Variants in ZNF681 observed in about 807,000 individuals in gnomAD.
ZNF681 encodes hypothetical protein FLJ31526.
In ZNF681, 37 loss-of-function variants were observed where a neutral mutation model predicts 56.0. The observed-to-expected ratio is 0.66, with a 90% CI of 0.51 to 0.87. ZNF681 has a LOEUF of 0.87. Among genes scored for constraint, ZNF681 ranks in the 40% least tolerant of loss-of-function variants. The pLI, the probability that ZNF681 is intolerant of heterozygous loss-of-function variation, is 0.00. For synonymous variants in ZNF681, 225 were observed against 248.6 expected (o/e 0.91, Z 0.89); for missense variants, 741 against 744.9 (o/e 0.99, Z 0.06).
At chr19:23,749,172 C>A (rs934509778) in intron 3 of ZNF681, among the ~76,000 whole-genome samples, 1 of 152,018 alleles carries the variant, frequency 6.6e-6, no homozygotes, top group African/African-American at 2.4e-5. Flanking sequence ...TAAAAAAAAT[C>A]TTGTCACACT....
At chr19:23,752,831 A>G (rs935674693) in intron 3 of ZNF681, among the ~76,000 whole-genome samples, 2 of 152,192 alleles carry the variant, frequency 1.3e-5, no homozygotes, top group Non-Finnish European at 2.9e-5. Flanking sequence ...ATACAAAACT[A>G]TATTTTGCCT....
rs770976207 is a variant in ZNF681 at position 23,743,656 on chromosome 19, TTGAAG to T, written c.1889_1893del (p.Thr630LysfsTer4). The T allele has an allele frequency of 8.4e-6, 13 of 1,552,656 alleles. No homozygotes were observed. Among genetic ancestry groups the T allele is most frequent in the Non-Finnish European group, 1.1e-5 (13 of 1,151,926 alleles). ...TAATTTCTTTTATGTTTAGAAAACT[TTGAAG>T]TGTTTTCAAAATCACTGTTACATCT... is the stretch of plus-strand genomic sequence containing the variant. On this transcript the variant is annotated frameshift_variant, in exon 4 of 4. Coordinates refer to ENST00000402377, the MANE Select transcript of ZNF681 (RefSeq NM_138286.3). LOFTEE classifies it high-confidence loss of function.
At chr19:23,758,692 G>C in intron 1 of ZNF681, 55 bp downstream of exon 1, 1 of 1,613,864 alleles carries the variant, frequency 6.2e-7, no homozygotes, top group South Asian at 1.1e-5. Flanking sequence ...GGCGAGGTCT[G>C]AGTCCCGCCA....
In ZNF681 at chr19:23,755,481, T is replaced by A. The variant is rs202142525; in HGVS notation, c.74A>T (p.Gln25Leu). Residue 25 changes from glutamine to leucine, a missense_variant, in exon 2 of 4, where the codon CAG becomes CTG. Gln to Leu is a moderately radical substitution (Grantham distance 113, BLOSUM62 -2). Coordinates refer to ENST00000402377, the MANE Select transcript of ZNF681 (RefSeq NM_138286.3). ...CATCACATTCCTATATAAATTCTGC[T>A]GTATAGTGTCCAGGCATTGCCACTC... The part of the protein sequence containing the change: ...LEEWQCLDTI[Q>L]QNLYRNVMLE... 1.6e-4 allele frequency: 251 copies of A among 1,611,902 alleles called. 1 individual carries two copies. Among genetic ancestry groups the A allele is most frequent in the Non-Finnish European group, 2.0e-4 (236 of 1,178,844 alleles).
chr19:23,750,849 C>T (rs534138722), intron 3 of ZNF681, among the ~76,000 whole-genome samples: 3 of 147,508 alleles, frequency 2.0e-5, no homozygotes, highest in Admixed American at 6.8e-5. Flanking sequence ...AACACCCAGG[C>T]GCAGTGGCTC....
intron 3 of ZNF681, among the ~76,000 whole-genome samples, chr19:23,749,666 T>G (rs1968995654): frequency 6.6e-6 from 1 of 151,864 alleles, no homozygotes; most frequent in Admixed American, 6.6e-5. Context: ...CAGGCTGGTC[T>G]CAAACTTTTG....
intron 3 of ZNF681, 36 bp downstream of exon 3, chr19:23,754,785 CTA>C (rs775328979): frequency 5.5e-5 from 84 of 1,523,410 alleles, no homozygotes; most frequent in Non-Finnish European, 6.6e-5. Context: ...AACCGCTCAT[CTA>C]TGTTATCTGT....
chr19:23,743,710 C>T lies in ZNF681; in HGVS notation c.1840G>A (p.Gly614Ser), dbSNP rs1968898242. The change falls in exon 4 of 4, where the codon GGT (glycine) becomes AGT (serine). Residue 614 changes from glycine to serine, a missense_variant. Gly to Ser is a moderately conservative substitution (Grantham distance 56). Transcript: ENST00000402377. ...NLTGHKKIHT[G>S]EKLYKPKRCN... ...CTTTTAGGTTTGTAGAGTTTCTCAC[C>T]AGTATGAATTTTCTTATGTCCAGTA... 2.5e-6 allele frequency: 4 copies of T among 1,611,528 alleles called. No homozygotes were observed. In the East Asian group the frequency reaches 8.9e-5, roughly 36 times the overall value.
chr19:23,742,534 AT>A lies in ZNF681; in HGVS notation c.*1077del. 1 of 152,062 alleles carries A rather than the reference AT, an allele frequency of 6.6e-6. No individual in the cohort carries two copies. The highest frequency in any genetic ancestry group is 6.6e-5 in the Admixed American group (1 of 15,254). 9.4% of individuals were successfully genotyped at this position (152,062 alleles called of 1,614,324 possible). ...AATTAGTAAAATGATATACCAGAAAATTTTTTTTCTCAATATAACACAGGAT... is the reference window on the plus strand; with the variant it reads ...AATTAGTAAAATGATATACCAGAAAATTTTTTTCTCAATATAACACAGGAT... On this transcript the variant is annotated 3_prime_UTR_variant, in exon 4 of 4. Transcript: ENST00000402377.
intron 1 of ZNF681, among the ~76,000 whole-genome samples, chr19:23,757,868 A>C (rs1188524687): frequency 6.6e-6 from 1 of 152,142 alleles, no homozygotes; most frequent in East Asian, 1.9e-4. Context: ...AAAAATCCTT[A>C]AATCTCAGAG....
chr19:23,743,076 T>A lies in ZNF681; in HGVS notation c.*536A>T, dbSNP rs1218350518. ...ATTTACTGCATCTGCAAAAATAGATTTTAGTATGAACCCTCTAGTGTTTTC... is the reference window on the plus strand; with the variant it reads ...ATTTACTGCATCTGCAAAAATAGATATTAGTATGAACCCTCTAGTGTTTTC... On this transcript the variant is annotated 3_prime_UTR_variant, in exon 4 of 4. Coordinates refer to ENST00000402377, the MANE Select transcript of ZNF681 (RefSeq NM_138286.3). 2.0e-5 allele frequency: 3 copies of A among 152,236 alleles called. No homozygotes were observed. Among genetic ancestry groups the A allele is most frequent in the Non-Finnish European group, 4.4e-5 (3 of 68,042 alleles). 9.4% of individuals were successfully genotyped at this position (152,236 alleles called of 1,614,324 possible).
intron 3 of ZNF681, among the ~76,000 whole-genome samples, chr19:23,748,454 T>C (rs1968977698): frequency 6.6e-6 from 1 of 152,224 alleles, no homozygotes; most frequent in South Asian, 2.1e-4. Context: ...GTTCAAAGAA[T>C]GCAGTTGTGC....
intron 3 of ZNF681, among the ~76,000 whole-genome samples, chr19:23,745,743 G>A (rs1430855823): frequency 6.6e-6 from 1 of 150,666 alleles, no homozygotes; most frequent in Non-Finnish European, 1.5e-5. Context: ...GAGCCACCGT[G>A]CTCGGCCCAA....
At chr19:23,751,424 C>T (rs937565985) in intron 3 of ZNF681, among the ~76,000 whole-genome samples, 7 of 143,202 alleles carry the variant, frequency 4.9e-5, no homozygotes, top group Non-Finnish European at 9.0e-5. Flanking sequence ...TGCAGTGAGC[C>T]GAGATTGCGC....
chr19:23,743,495 C>A lies in ZNF681; in HGVS notation c.*117G>T. 1.1e-6 allele frequency: 1 copy of A among 912,744 alleles called. No homozygotes were observed. The highest frequency in any genetic ancestry group is 1.6e-6 in the Non-Finnish European group (1 of 643,014). The allele number at this position is 912,744 out of a possible 1,614,324, so 56.5% of individuals were successfully genotyped here. A position where few individuals can be genotyped will look rare whatever the true frequency, so the allele number is the denominator to read the frequency against. ...GCTTTCCTGTGCAATAAGGTGTGAG[C>A]ATTGGTTAAAAGTTTTGCCACATTC... On this transcript the variant is annotated 3_prime_UTR_variant, in exon 4 of 4. Coordinates refer to ENST00000402377, the MANE Select transcript of ZNF681 (RefSeq NM_138286.3).
intron 3 of ZNF681, among the ~76,000 whole-genome samples, chr19:23,753,795 G>A (rs1476685341): frequency 6.6e-6 from 1 of 150,508 alleles, no homozygotes. Flanking sequence ...CTGGAAGGGA[G>A]AGGTTGCAGT....
rs1371798182 is a variant in ZNF681, at chr19:23,744,205, G to C, written c.1345C>G (p.Pro449Ala). The change falls in exon 4 of 4, where the codon CCA (proline) becomes GCA (alanine). Residue 449 changes from proline (P) to alanine (A), a missense_variant. By Grantham distance (27) the Pro-to-Ala change is conservative. Transcript: ENST00000402377. ...TTCCCACATTCTTCACATTTGTATG[G>C]TTTCTCTTCAGTATGAATATTCTTA... ...EHKNIHTEEK[P>A]YKCEECGKAF... The C allele has an allele frequency of 1.2e-6, 2 of 1,613,438 alleles. No homozygotes were observed. The highest frequency in any genetic ancestry group is 1.7e-6 in the Non-Finnish European group (2 of 1,179,830).
At chr19:23,754,802 T>C (rs1296225838) in intron 3 of ZNF681, 21 bp downstream of exon 3, 2 of 1,592,224 alleles carry the variant, frequency 1.3e-6, no homozygotes, top group Non-Finnish European at 1.7e-6. Flanking sequence ...ATCTGTTGTA[T>C]TCACTTTCAC....
At chr19:23,756,320 G>T (rs1326298666) in intron 1 of ZNF681, among the ~76,000 whole-genome samples, 1 of 8,826 alleles carries the variant, frequency 1.1e-4, no homozygotes. Flanking sequence ...GCGACACTCT[G>T]TCCCCCCCCA....
Sources: allele counts gnomAD v4.1 joint callset (sites outside exome capture counted in the v4.1 genomes callset), GRCh38; gene constraint gnomAD v4.1.1; transcripts MANE v1.5; gene names NCBI Gene and HGNC (gene_info 2026-07-23, HGNC 2026-07-21).